SECISBP2L: variants seen among roughly 807,000 people sequenced by gnomAD.
SECISBP2L encodes the protein SECIS binding protein 2 like, also known as selenocysteine insertion sequence-binding protein 2-like.
In SECISBP2L, 43 loss-of-function variants were observed where a neutral mutation model predicts 114.7. That is an observed-to-expected ratio of 0.38 (90% CI 0.29 to 0.48). The LOEUF (loss-of-function observed/expected upper bound fraction) is 0.48, where lower values mean the gene tolerates loss of function less well. Among genes scored for constraint, SECISBP2L ranks in the 20% least tolerant of loss-of-function variants. SECISBP2L has a pLI of 0.98. For synonymous variants in SECISBP2L, 451 were observed against 439.7 expected, an observed-to-expected ratio of 1.03 and a Z score of -0.32; for missense variants, 1,136 against 1,301.1, an observed-to-expected ratio of 0.87 and a Z score of 1.95.
At chr15:49,020,057 A>G (rs891787858) in intron 7 of SECISBP2L, among the ~76,000 whole-genome samples, 22 of 152,226 alleles carry the variant, frequency 1.4e-4, no homozygotes, top group African/African-American at 5.1e-4. Context: ...CTAGGGGATA[A>G]GGAGCAGTTG....
chr15:49,023,753 C>T (rs538410551), intron 7 of SECISBP2L, among the ~76,000 whole-genome samples: 1 of 152,282 alleles, frequency 6.6e-6, no homozygotes, highest in Admixed American at 6.5e-5. Context: ...CTCCAAGATA[C>T]ACTGTTAAGT....
intron 8 of SECISBP2L, 150 bp from the exon 9 acceptor site, chr15:49,017,778 C>G: frequency 1.9e-6 from 1 of 530,682 alleles, no homozygotes; most frequent in Non-Finnish European, 3.2e-6. Context: ...AATGTCATTT[C>G]TCACATGCTA....
intron 4 of SECISBP2L, 90 bp downstream of exon 4, chr15:49,032,875 T>C: frequency 6.7e-7 from 1 of 1,483,814 alleles, no homozygotes; most frequent in Non-Finnish European, 9.1e-7. Context: ...AAGTCTACAA[T>C]TCTGACAAGT....
intron 2 of SECISBP2L, among the ~76,000 whole-genome samples, chr15:49,036,260 C>G (rs1412709953): frequency 6.6e-6 from 1 of 152,202 alleles, no homozygotes; most frequent in Non-Finnish European, 1.5e-5. Context: ...CCACTGACAT[C>G]TTCAGGAGTG....
chr15:49,038,421 T>A (rs541203235), intron 1 of SECISBP2L, among the ~76,000 whole-genome samples: 50 of 150,808 alleles, frequency 3.3e-4, no homozygotes, highest in South Asian at 1.0e-3. Context: ...CTATAGAGAT[T>A]TAAAAGACAT....
chr15:49,019,408 A>G lies in SECISBP2L; in HGVS notation c.1170+10T>C. ...TATAACAGCTTACAAATAGAGTTTG[A>G]AAAAAATACCTCAAAATATAAAGAC... On this transcript the variant is annotated intron_variant, in intron 8 of 17. Transcript: ENST00000559471. 1.4e-6 allele frequency: 2 copies of G among 1,422,006 alleles called. No individual in the cohort carries two copies. Among genetic ancestry groups the G allele is most frequent in the Non-Finnish European group, 1.8e-6 (2 of 1,097,146 alleles). 88.1% of individuals were successfully genotyped at this position (1,422,006 alleles called of 1,614,324 possible). A position where few individuals can be genotyped will look rare whatever the true frequency, so the allele number is the denominator to read the frequency against.
chr15:49,010,153 A>ACACACACACACACACC (rs1190593953), intron 13 of SECISBP2L, among the ~76,000 whole-genome samples: 2 of 147,474 alleles, frequency 1.4e-5, no homozygotes, highest in African/African-American at 2.5e-5. Flanking sequence ...ACACACACAC[A>ACACACACACACACACC]CCCCTCTTGC....
chr15:49,029,809 T>A (rs1902845966), intron 4 of SECISBP2L, among the ~76,000 whole-genome samples: 1 of 152,116 alleles, frequency 6.6e-6, no homozygotes, highest in Non-Finnish European at 1.5e-5. Flanking sequence ...CTTTACATTA[T>A]CATCCAGACT....
intron 7 of SECISBP2L, among the ~76,000 whole-genome samples, chr15:49,026,741 A>T (rs1902751374): frequency 6.6e-6 from 1 of 152,234 alleles, no homozygotes; most frequent in South Asian, 2.1e-4. Context: ...CCTTAAATAG[A>T]GTTAAGGAAT....
rs1322422461 is a variant in SECISBP2L at position 49,033,066 on chromosome 15, C to A, written c.563G>T (p.Arg188Met). 6.2e-7 allele frequency: 1 copy of A among 1,613,778 alleles called. No individual in the cohort carries two copies. The highest frequency in any genetic ancestry group is 2.2e-5 in the East Asian group (1 of 44,858). The part of the protein sequence containing the change: ...QLLQQHIKSK[R>M]PLVKNVATQK... ...AGTAGCTACATTTTTCACCAGCGGC[C>A]TTTTGCTTTTTATGTGCTGTTGTAA... Residue 188 changes from arginine to methionine, a missense_variant, in exon 4 of 18, where the codon AGG becomes ATG. Coordinates refer to ENST00000559471, the MANE Select transcript of SECISBP2L (RefSeq NM_001193489.2).
chr15:49,027,014 C>T (rs954494000), intron 7 of SECISBP2L, among the ~76,000 whole-genome samples: 3 of 152,176 alleles, frequency 2.0e-5, no homozygotes, highest in African/African-American at 4.8e-5. Flanking sequence ...GTGGACAAGG[C>T]TACAATCCTT....
At chr15:49,045,683 A>G (rs1297540140) in intron 1 of SECISBP2L, among the ~76,000 whole-genome samples, 1 of 152,220 alleles carries the variant, frequency 6.6e-6, no homozygotes, top group Non-Finnish European at 1.5e-5. Flanking sequence ...AAATAGAGCT[A>G]GCTTTAAAAA....
chr15:49,026,430 C>T (rs894160247), intron 7 of SECISBP2L, among the ~76,000 whole-genome samples: 7 of 152,162 alleles, frequency 4.6e-5, no homozygotes, highest in African/African-American at 1.7e-4. Flanking sequence ...TGGTAATCAC[C>T]CTGATTTGAT....
intron 5 of SECISBP2L, 134 bp from the exon 6 acceptor site, chr15:49,028,302 ATTTT>A (rs1334966778): frequency 1.0e-6 from 1 of 974,478 alleles, no homozygotes; most frequent in African/African-American, 1.7e-5. Flanking sequence ...ATAAATGAAT[ATTTT>A]TATTAATAAA....
chr15:49,046,184 C>G (rs974241663), intron 1 of SECISBP2L, 92 bp downstream of exon 1: 2 of 1,440,288 alleles, frequency 1.4e-6, no homozygotes, highest in African/African-American at 1.5e-5. Flanking sequence ...AGGACCGGCC[C>G]CCGGTCCCCA....
chr15:49,016,553 A>ATATC lies in SECISBP2L; in HGVS notation c.1561+3_1561+6dup, dbSNP rs1164809374. ...AAACAGCAAATTGCTCAGACTAATGATATCACCTGTATATGACAGAGGTCT... is the reference window on the plus strand; with the variant it reads ...AAACAGCAAATTGCTCAGACTAATGATATCTATCACCTGTATATGACAGAGGTCT... On this transcript the variant is annotated splice_region_variant and intron_variant, in intron 11 of 17. Coordinates refer to ENST00000559471, the MANE Select transcript of SECISBP2L (RefSeq NM_001193489.2). 6.3e-7 allele frequency: 1 copy of ATATC among 1,587,628 alleles called. No individual in the cohort carries two copies. Among genetic ancestry groups the ATATC allele is most frequent in the East Asian group, 2.2e-5 (1 of 44,614 alleles).
chr15:48,996,289 A>G (rs1362030464), intron 17 of SECISBP2L, 78 bp downstream of exon 17: 2 of 1,319,014 alleles, frequency 1.5e-6, no homozygotes, highest in African/African-American at 3.0e-5. Context: ...AATAAAGATT[A>G]AAAATAAAAG....
intron 1 of SECISBP2L, among the ~76,000 whole-genome samples, chr15:49,039,857 C>A (rs557184268): frequency 6.6e-6 from 1 of 152,172 alleles, no homozygotes; most frequent in South Asian, 2.1e-4. Flanking sequence ...TTCTTTACGA[C>A]ATATGAGAAC....
intron 1 of SECISBP2L, among the ~76,000 whole-genome samples, chr15:49,038,308 A>C (rs1219994783): frequency 6.6e-6 from 1 of 152,170 alleles, no homozygotes; most frequent in Non-Finnish European, 1.5e-5. Flanking sequence ...AAACTGGGGA[A>C]AATATGAGTA....
Sources: gnomAD v4.1 joint callset for allele counts (sites outside exome capture counted in the v4.1 genomes callset) on GRCh38, gnomAD v4.1.1 for gene constraint, MANE v1.5 for transcripts, NCBI Gene and HGNC (gene_info 2026-07-23, HGNC 2026-07-21) for gene names.